Variants in KIAA1217 observed in about 807,000 individuals in gnomAD.
KIAA1217 encodes sickle tail protein homolog.
A neutral mutation model predicts 163.9 loss-of-function variants in KIAA1217; 88 were observed. That is an observed-to-expected ratio of 0.54 (90% CI 0.45 to 0.64). The LOEUF (loss-of-function observed/expected upper bound fraction) is 0.64. Ranked by LOEUF, KIAA1217 falls within the 30% of genes least tolerant of loss-of-function variation. KIAA1217 has a pLI of 0.00. For missense variants in KIAA1217, 2,372 were observed against 2,475.0 expected (o/e 0.96, Z 0.88); for synonymous variants, 903 against 923.1 (o/e 0.98, Z 0.39).
At chr10:23,885,750 T>C (rs1229697881) in intron 1 of KIAA1217, among the ~76,000 whole-genome samples, 2 of 151,794 alleles carry the variant, frequency 1.3e-5, no homozygotes, top group Non-Finnish European at 2.9e-5. Context: ...GGCGACTGAG[T>C]TCAGTCGATG....
rs573829109 is a variant in KIAA1217 at position 24,499,710 on chromosome 10, C to A, written c.1835-1669C>A. On this transcript the variant is annotated intron_variant, in intron 8 of 20. Transcript: ENST00000376454. ...TCATGCCACTGCACTCCAGCCTGGA[C>A]AAGACAGAGCGAGACTCTGTCTCAA... Among the ~76,000 whole-genome samples the A allele has an allele frequency of 2.6e-4, 40 of 152,134 alleles. No homozygotes were observed. The East Asian group carries it at 7.4e-3, about 28-fold the overall frequency.
intron 6 of KIAA1217, among the ~76,000 whole-genome samples, chr10:24,484,227 A>AT (rs2065068486): frequency 1.1e-5 from 1 of 87,956 alleles, no homozygotes; most frequent in Non-Finnish European, 2.3e-5. Flanking sequence ...AGATATACAT[A>AT]TATATATATA....
At chr10:23,991,930 A>G (rs898059010) in intron 1 of KIAA1217, among the ~76,000 whole-genome samples, 125 of 152,280 alleles carry the variant, frequency 8.2e-4, no homozygotes, top group African/African-American at 2.8e-3. Flanking sequence ...TAAATATAGC[A>G]AGGCTGCTCA....
At chr10:24,118,164 A>G (rs115908021) in intron 2 of KIAA1217, among the ~76,000 whole-genome samples, 1,767 of 152,114 alleles carry the variant, frequency 0.012, 39 homozygotes, top group African/African-American at 0.04. Context: ...AAAAAAAAAA[A>G]AAAAGAAACG....
chr10:23,950,643 G>C (rs192647283), intron 1 of KIAA1217, among the ~76,000 whole-genome samples: 2 of 152,222 alleles, frequency 1.3e-5, no homozygotes, highest in African/African-American at 4.8e-5. Flanking sequence ...AGATGTATAG[G>C]TAAAAATGGG....
At chr10:24,529,951 C>T (rs2072873349) in intron 14 of KIAA1217, among the ~76,000 whole-genome samples, 1 of 151,522 alleles carries the variant, frequency 6.6e-6, no homozygotes, top group Non-Finnish European at 1.5e-5. Flanking sequence ...GCACCCACCA[C>T]CACGCCTAGC....
At chr10:23,856,394 G>T (rs745753796) in intron 1 of KIAA1217, among the ~76,000 whole-genome samples, 3 of 152,168 alleles carry the variant, frequency 2.0e-5, no homozygotes, top group Non-Finnish European at 4.4e-5. Context: ...AAGAGTACCC[G>T]TCTGTGTGAG....
intron 2 of KIAA1217, among the ~76,000 whole-genome samples, chr10:24,110,624 A>G (rs2062811341): frequency 6.6e-6 from 1 of 152,006 alleles, no homozygotes; most frequent in African/African-American, 2.4e-5. Context: ...AAAACTCAAA[A>G]TGTATTTGTC....
At chr10:24,224,753 T>C (rs1241115078) in intron 2 of KIAA1217, among the ~76,000 whole-genome samples, 1 of 152,156 alleles carries the variant, frequency 6.6e-6, no homozygotes, top group Non-Finnish European at 1.5e-5. Flanking sequence ...GTGATAATAT[T>C]CTGGTTTTTA....
intron 1 of KIAA1217, among the ~76,000 whole-genome samples, chr10:23,744,176 T>C (rs952189938): frequency 6.6e-6 from 1 of 152,198 alleles, no homozygotes; most frequent in African/African-American, 2.4e-5. Context: ...GGGATGGCCT[T>C]AGTGGTGTCT....
chr10:24,194,762 A>AT (rs762968095), intron 2 of KIAA1217, among the ~76,000 whole-genome samples: 52,801 of 97,998 alleles, frequency 0.54, 15,663 homozygotes, highest in Non-Finnish European at 0.63. Context: ...AGCCAATTAA[A>AT]TTTTTTTTTT....
chr10:24,009,848 G>C (rs957208762), intron 2 of KIAA1217, among the ~76,000 whole-genome samples: 1 of 152,044 alleles, frequency 6.6e-6, no homozygotes, highest in Non-Finnish European at 1.5e-5. Context: ...TCTGAGCTTG[G>C]GAGATTCGCT....
At chr10:24,414,749 G>A (rs772758710) in intron 3 of KIAA1217, among the ~76,000 whole-genome samples, 1 of 152,212 alleles carries the variant, frequency 6.6e-6, no homozygotes, top group Non-Finnish European at 1.5e-5. Flanking sequence ...TTCAAATGGG[G>A]CCCTGCATGG....
chr10:23,706,769 A>C (rs555385797), intron 1 of KIAA1217, among the ~76,000 whole-genome samples: 1 of 152,000 alleles, frequency 6.6e-6, no homozygotes, highest in Admixed American at 6.6e-5. Flanking sequence ...TTCTCCTTCT[A>C]TTTTTCATTC....
intron 2 of KIAA1217, among the ~76,000 whole-genome samples, chr10:24,202,343 G>A (rs2130532267): frequency 6.6e-6 from 1 of 152,326 alleles, no homozygotes; most frequent in Middle Eastern, 3.4e-3. Context: ...AAGGTGAGGA[G>A]CTCTGAATTC....
intron 1 of KIAA1217, among the ~76,000 whole-genome samples, chr10:23,776,633 C>T (rs529754439): frequency 2.0e-5 from 3 of 148,878 alleles, no homozygotes; most frequent in Admixed American, 6.7e-5. Flanking sequence ...AGAAAAAATA[C>T]ATTGGAATTA....
intron 2 of KIAA1217, among the ~76,000 whole-genome samples, chr10:24,057,522 G>T (rs1218944915): frequency 1.3e-5 from 2 of 152,054 alleles, no homozygotes; most frequent in Non-Finnish European, 2.9e-5. Flanking sequence ...GAATCATATG[G>T]TATTCTTCCT....
chr10:24,492,130 C>G (rs914839903), intron 6 of KIAA1217, among the ~76,000 whole-genome samples: 1 of 152,150 alleles, frequency 6.6e-6, no homozygotes, highest in Non-Finnish European at 1.5e-5. Context: ...AGCATTCTTC[C>G]GAGGAAGTCA....
chr10:24,100,248 A>T (rs927668618), intron 2 of KIAA1217, among the ~76,000 whole-genome samples: 3 of 152,032 alleles, frequency 2.0e-5, no homozygotes, highest in African/African-American at 7.2e-5. Context: ...CTTGGTCAAT[A>T]AAGTCTGAGC....
Sources: gnomAD v4.1 joint callset for allele counts (sites outside exome capture counted in the v4.1 genomes callset) on GRCh38, gnomAD v4.1.1 for gene constraint, MANE v1.5 for transcripts, NCBI Gene and HGNC (gene_info 2026-07-23, HGNC 2026-07-21) for gene names.